Variants in FHIT observed in about 807,000 individuals in gnomAD.
FHIT encodes the protein bis(5'-adenosyl)-triphosphatase.
A neutral mutation model predicts 17.9 loss-of-function variants in FHIT; 19 were observed. The ratio of observed to expected loss-of-function variants is 1.06; its 90% CI spans 0.74 to 1.56. The LOEUF (loss-of-function observed/expected upper bound fraction) is 1.56. Among genes scored for constraint, FHIT ranks in the 40% most tolerant of loss-of-function variants. The probability of loss-of-function intolerance (pLI) is 0.00; values close to 1 mark genes in which losing one functional copy is unlikely to be tolerated. For missense variants in FHIT, 248 were observed against 189.2 expected, an observed-to-expected ratio of 1.31 and a Z score of -1.82; for synonymous variants, 81 against 69.7, an observed-to-expected ratio of 1.16 and a Z score of -0.81.
intron 1 of FHIT, among the ~76,000 whole-genome samples, chr3:61,221,829 T>C (rs1455413115): frequency 6.6e-6 from 1 of 152,166 alleles, no homozygotes; most frequent in African/African-American, 2.4e-5. Flanking sequence ...CACATGTGAC[T>C]TGGGGAAAGC....
At chr3:60,987,477 TAATTC>T (rs1391001859) in intron 3 of FHIT, among the ~76,000 whole-genome samples, 1 of 152,232 alleles carries the variant, frequency 6.6e-6, no homozygotes, top group Non-Finnish European at 1.5e-5. Context: ...CCTATTCCTT[TAATTC>T]GGCCCATAAG....
At position 60,126,614 on chromosome 3, in the gene FHIT, G is replaced by A. The variant is rs906302113; in HGVS notation, c.104-112462C>T. ...AACCTTGGAAATATAAAACCCACAT[G>A]AGTATCAACCAACAGAATTTGATTC... is the stretch of plus-strand genomic sequence containing the variant. On this transcript the variant is annotated intron_variant, in intron 5 of 9. Transcript: ENST00000492590. Among the ~76,000 whole-genome samples, 6 of 152,124 alleles carry A rather than the reference G, an allele frequency of 3.9e-5. No homozygotes were observed. The East Asian group carries it at 1.2e-3, about 29-fold the overall frequency.
intron 8 of FHIT, among the ~76,000 whole-genome samples, chr3:59,784,367 G>A (rs1161957082): frequency 3.3e-5 from 5 of 152,276 alleles, no homozygotes; most frequent in African/African-American, 7.2e-5. Flanking sequence ...CAAATCAGAT[G>A]GTGCTAGTCA....
At position 60,537,732 on chromosome 3, in the gene FHIT, C is replaced by G. The variant is rs549441220; in HGVS notation, c.-17-753G>C. 2.5e-4 allele frequency among the ~76,000 whole-genome samples: 38 copies of G among 152,256 alleles called. No individual in the cohort carries two copies. In the Middle Eastern group the frequency reaches 0.01, roughly 41 times the overall value. On this transcript the variant is annotated intron_variant, in intron 4 of 9. Transcript: ENST00000492590. ...CACAGCTGAGACAAGCCAAATCCATCTAGCACCAAGGAATGACTTTTCAAT... is the reference window on the plus strand; with the variant it reads ...CACAGCTGAGACAAGCCAAATCCATGTAGCACCAAGGAATGACTTTTCAAT...
Position 59,992,063 on chromosome 3 carries a change from A to G in FHIT, c.279+19308T>C, listed in dbSNP as rs117318942. Among the ~76,000 whole-genome samples, 89 of 152,194 alleles carry G rather than the reference A, an allele frequency of 5.8e-4. No homozygotes were observed. In the East Asian group the frequency reaches 0.017, roughly 29 times the overall value. On this transcript the variant is annotated intron_variant, in intron 7 of 9. Coordinates refer to ENST00000492590, the MANE Select transcript of FHIT (RefSeq NM_002012.4). ...GGAACATAAAAATGAAGTAAAACGA[A>G]ACAGAGGAAGAAAACAATGAAAGAT...
chr3:59,940,126 T>G (rs1295149633), intron 7 of FHIT, among the ~76,000 whole-genome samples: 1 of 152,152 alleles, frequency 6.6e-6, no homozygotes, highest in African/African-American at 2.4e-5. Flanking sequence ...GTTTGTAAAA[T>G]GAACCCATCT....
chr3:60,237,261 C>CTTTTTTTTTTT (rs1491397783), intron 5 of FHIT, among the ~76,000 whole-genome samples: 1 of 123,576 alleles, frequency 8.1e-6, no homozygotes, highest in African/African-American at 3.5e-5. Flanking sequence ...TTTGTTTTTC[C>CTTTTTTTTTTT]ATTTTTTTTT....
At chr3:60,610,317 G>A (rs1175216608) in intron 4 of FHIT, among the ~76,000 whole-genome samples, 1 of 150,320 alleles carries the variant, frequency 6.7e-6, no homozygotes, top group African/African-American at 2.4e-5. Context: ...TTCAATTACT[G>A]ACATTGTTTC....
intron 4 of FHIT, among the ~76,000 whole-genome samples, chr3:60,552,903 C>A (rs555680761): frequency 6.6e-6 from 1 of 152,274 alleles, no homozygotes; most frequent in East Asian, 1.9e-4. Context: ...TGGGTTTTCT[C>A]CAGGCACTCT....
chr3:61,022,914 A>G (rs918421279), intron 3 of FHIT, among the ~76,000 whole-genome samples: 1 of 152,224 alleles, frequency 6.6e-6, no homozygotes, highest in Non-Finnish European at 1.5e-5. Flanking sequence ...AGCTGGAAGC[A>G]TTCCCTTTGA....
chr3:60,548,321 A>G (rs151744), intron 4 of FHIT, among the ~76,000 whole-genome samples: 144,575 of 152,214 alleles, frequency 0.95, 68,733 homozygotes, highest in East Asian at 1. Context: ...GTTATCAGAC[A>G]ACAAGCAGCT....
At chr3:60,433,871 T>C (rs959060135) in intron 5 of FHIT, among the ~76,000 whole-genome samples, 1 of 152,126 alleles carries the variant, frequency 6.6e-6, no homozygotes, top group African/African-American at 2.4e-5. Flanking sequence ...ATAGGTGGCT[T>C]TTCCACTCTG....
intron 5 of FHIT, among the ~76,000 whole-genome samples, chr3:60,159,879 G>A (rs551700438): frequency 6.6e-6 from 1 of 152,164 alleles, no homozygotes; most frequent in African/African-American, 2.4e-5. Context: ...ACTCAACAGC[G>A]GCTCCAGAAA....
intron 4 of FHIT, among the ~76,000 whole-genome samples, chr3:60,793,230 G>A (rs573285992): frequency 1.3e-5 from 2 of 151,934 alleles, no homozygotes; most frequent in Non-Finnish European, 2.9e-5. Flanking sequence ...ATTCAAAGTG[G>A]AATACAATGT....
At chr3:59,894,552 G>C (rs183727024) in intron 8 of FHIT, among the ~76,000 whole-genome samples, 6 of 150,834 alleles carry the variant, frequency 4.0e-5, no homozygotes, top group African/African-American at 1.5e-4. Flanking sequence ...CTTACAAGCA[G>C]TGGTGGAGTG....
At chr3:60,446,517 T>A (rs2031342155) in intron 5 of FHIT, among the ~76,000 whole-genome samples, 1 of 152,098 alleles carries the variant, frequency 6.6e-6, no homozygotes, top group African/African-American at 2.4e-5. Flanking sequence ...AGTACACCTG[T>A]CATTCGTGGA....
chr3:60,153,912 C>A (rs1326559447), intron 5 of FHIT, among the ~76,000 whole-genome samples: 1 of 152,180 alleles, frequency 6.6e-6, no homozygotes. Flanking sequence ...AAGATAGACA[C>A]TGCTTTTGTT....
At chr3:61,205,699 T>C (rs1472166571) in intron 1 of FHIT, among the ~76,000 whole-genome samples, 2 of 152,208 alleles carry the variant, frequency 1.3e-5, no homozygotes, top group African/African-American at 2.4e-5. Flanking sequence ...TTTGAGTTCA[T>C]TGTAGATTCG....
intron 5 of FHIT, among the ~76,000 whole-genome samples, chr3:60,118,774 C>A (rs78178557): frequency 1.5e-5 from 1 of 66,042 alleles, no homozygotes; most frequent in Non-Finnish European, 2.7e-5. Flanking sequence ...GTGGGGGCGG[C>A]GGGGGGGGGG....
Sources: gnomAD v4.1 joint callset for allele counts (sites outside exome capture counted in the v4.1 genomes callset) on GRCh38, gnomAD v4.1.1 for gene constraint, MANE v1.5 for transcripts, NCBI Gene and HGNC (gene_info 2026-07-23, HGNC 2026-07-21) for gene names.